SCAPER: variants seen among roughly 807,000 people sequenced by gnomAD.
The protein encoded by SCAPER is S phase cyclin A-associated protein in the endoplasmic reticulum.
A neutral mutation model predicts 182.2 loss-of-function variants in SCAPER; 98 were observed. The ratio of observed to expected loss-of-function variants is 0.54; its 90% CI spans 0.46 to 0.64. SCAPER has a LOEUF of 0.64. SCAPER is among the 30% of genes least tolerant of loss of function. The pLI, the probability that SCAPER is intolerant of heterozygous loss-of-function variation, is 0.00. For synonymous variants in SCAPER, 605 were observed against 564.6 expected (o/e 1.07, Z -1.01); for missense variants, 1,432 against 1,690.0 (o/e 0.85, Z 2.68).
intron 23 of SCAPER, among the ~76,000 whole-genome samples, chr15:76,554,607 A>T (rs972803731): frequency 1.3e-5 from 2 of 151,854 alleles, no homozygotes; most frequent in Non-Finnish European, 2.9e-5. Context: ...TCTACTTATC[A>T]TTGCTTTGGC....
intron 29 of SCAPER, among the ~76,000 whole-genome samples, chr15:76,355,937 G>A (rs2040931747): frequency 6.6e-6 from 1 of 152,200 alleles, no homozygotes; most frequent in African/African-American, 2.4e-5. Flanking sequence ...AGATGCAAAT[G>A]GATGTAGGCA....
At chr15:76,661,139 C>T (rs1272288800) in intron 21 of SCAPER, among the ~76,000 whole-genome samples, 3 of 152,060 alleles carry the variant, frequency 2.0e-5, no homozygotes. Flanking sequence ...CAATGCAATC[C>T]TAATCAAAAT....
At chr15:76,543,877 G>T (rs1268416250) in intron 23 of SCAPER, among the ~76,000 whole-genome samples, 1 of 152,082 alleles carries the variant, frequency 6.6e-6, no homozygotes, top group Non-Finnish European at 1.5e-5. Context: ...TTGCTTCAAA[G>T]ACATCATCAA....
At chr15:76,457,199 A>G (rs1596732766) in intron 25 of SCAPER, among the ~76,000 whole-genome samples, 1 of 152,004 alleles carries the variant, frequency 6.6e-6, no homozygotes, top group East Asian at 1.9e-4. Flanking sequence ...AGCAGCTGGG[A>G]CTACAGGTGC....
At chr15:76,688,630 A>G (rs1215174789) in intron 20 of SCAPER, among the ~76,000 whole-genome samples, 1 of 152,036 alleles carries the variant, frequency 6.6e-6, no homozygotes, top group Admixed American at 6.6e-5. Flanking sequence ...GAAAGGGTGC[A>G]CTTTCAATTT....
At chr15:76,526,015 G>A (rs531758185) in intron 23 of SCAPER, among the ~76,000 whole-genome samples, 3 of 152,230 alleles carry the variant, frequency 2.0e-5, no homozygotes, top group Admixed American at 6.5e-5. Flanking sequence ...AGCCTTGCCA[G>A]CATCTGTGGT....
chr15:76,464,857 C>T (rs1030728052), intron 25 of SCAPER, among the ~76,000 whole-genome samples: 2 of 152,050 alleles, frequency 1.3e-5, no homozygotes, highest in African/African-American at 4.8e-5. Flanking sequence ...ACCAAAAGTG[C>T]ACAACATTTC....
intron 23 of SCAPER, among the ~76,000 whole-genome samples, chr15:76,566,678 T>C (rs980200870): frequency 6.6e-6 from 1 of 152,112 alleles, no homozygotes; most frequent in Non-Finnish European, 1.5e-5. Flanking sequence ...GAAAATACTT[T>C]TGCACATGTA....
intron 5 of SCAPER, among the ~76,000 whole-genome samples, chr15:76,814,547 A>G (rs993998528): frequency 2.0e-5 from 3 of 152,202 alleles, no homozygotes; most frequent in Non-Finnish European, 4.4e-5. Flanking sequence ...TGTTGGGAAA[A>G]CTGAATAACC....
chr15:76,744,089 C>A (rs2061678732), intron 15 of SCAPER, among the ~76,000 whole-genome samples: 1 of 152,148 alleles, frequency 6.6e-6, no homozygotes, highest in African/African-American at 2.4e-5. Flanking sequence ...TAACTATATG[C>A]AGAACAACAA....
chr15:76,646,259 C>A (rs2017103), intron 21 of SCAPER, among the ~76,000 whole-genome samples: 7,978 of 152,200 alleles, frequency 0.052, 290 homozygotes, highest in Admixed American at 0.091. Flanking sequence ...TGTAGATACA[C>A]AAACACACAC....
intron 22 of SCAPER, among the ~76,000 whole-genome samples, chr15:76,609,831 T>C (rs2050817717): frequency 6.6e-6 from 1 of 152,192 alleles, no homozygotes; most frequent in Admixed American, 6.5e-5. Context: ...GGTCTCACTA[T>C]TTTGGTAAGC....
At chr15:76,841,989 AT>A in intron 4 of SCAPER, 58 bp from the exon 5 acceptor site, 2 of 1,450,026 alleles carry the variant, frequency 1.4e-6, no homozygotes, top group South Asian at 1.3e-5. Flanking sequence ...CAGGGACTGG[AT>A]TTTTTATAAA....
Position 76,803,426 on chromosome 15 carries a change from G to A in SCAPER, c.494+1107C>T, listed in dbSNP as rs964632627. ...GTTTTTTCTTATACTGACAGAGAAA[G>A]CTGTATTTCTTCTTGATGACACTTG... is the stretch of plus-strand genomic sequence containing the variant. On this transcript the variant is annotated intron_variant, in intron 6 of 31. Coordinates refer to ENST00000563290, the MANE Select transcript of SCAPER (RefSeq NM_020843.4). 2.0e-5 allele frequency among the ~76,000 whole-genome samples: 3 copies of A among 152,318 alleles called. No individual in the cohort carries two copies. The South Asian group carries it at 6.2e-4, about 32-fold the overall frequency.
At chr15:76,844,272 A>G (rs1599049571) in intron 4 of SCAPER, among the ~76,000 whole-genome samples, 1 of 21,782 alleles carries the variant, frequency 4.6e-5, no homozygotes, top group African/African-American at 1.1e-4. Context: ...CAGAAAGAGG[A>G]AAAAAAAAAA....
At chr15:76,458,271 G>C (rs1480672122) in intron 25 of SCAPER, among the ~76,000 whole-genome samples, 2 of 151,564 alleles carry the variant, frequency 1.3e-5, no homozygotes, top group Non-Finnish European at 2.9e-5. Flanking sequence ...TCCATTGTGT[G>C]TGTGTGTGCG....
chr15:76,507,958 C>A (rs2041732872), intron 23 of SCAPER, among the ~76,000 whole-genome samples: 1 of 151,994 alleles, frequency 6.6e-6, no homozygotes, highest in Non-Finnish European at 1.5e-5. Context: ...AAGAAAAGTG[C>A]ACTAATCGTA....
At chr15:76,841,618 G>A in intron 5 of SCAPER, 116 bp downstream of exon 5, 9 of 1,058,134 alleles carry the variant, frequency 8.5e-6, no homozygotes, top group Non-Finnish European at 1.2e-5. Flanking sequence ...CTACACTCCA[G>A]CCTGGGCGAC....
Position 76,823,261 on chromosome 15 carries a change from C to T in SCAPER, c.393+18473G>A, listed in dbSNP as rs908357918. Among the ~76,000 whole-genome samples the T allele has an allele frequency of 2.0e-5, 3 of 152,166 alleles. No homozygotes were observed. The East Asian group carries it at 5.8e-4, about 29-fold the overall frequency. ...ATCATGTGAGGTCAGGAGTTTGAGA[C>T]CAGCCCGGCCAACATGGTGAAACTC... On this transcript the variant is annotated intron_variant, in intron 5 of 31. Coordinates refer to ENST00000563290, the MANE Select transcript of SCAPER (RefSeq NM_020843.4).
Sources: allele counts gnomAD v4.1 joint callset (sites outside exome capture counted in the v4.1 genomes callset), GRCh38; gene constraint gnomAD v4.1.1; transcripts MANE v1.5; gene names NCBI Gene and HGNC (gene_info 2026-07-23, HGNC 2026-07-21).